CTNND2: variants seen among roughly 807,000 people sequenced by gnomAD.
CTNND2 encodes the protein catenin delta-2.
In CTNND2, 22 loss-of-function variants were observed where a neutral mutation model predicts 144.4. The ratio of observed to expected loss-of-function variants is 0.15; its 90% CI spans 0.11 to 0.22. The LOEUF is 0.22. Ranked by LOEUF, CTNND2 falls within the 10% of genes least tolerant of loss-of-function variation. The pLI is 1.00. For missense variants in CTNND2, 1,353 were observed against 1,618.8 expected (o/e 0.84, Z 2.82); for synonymous variants, 751 against 695.6 (o/e 1.08, Z -1.25).
At chr5:11,040,828 A>G (rs1744622252) in intron 16 of CTNND2, among the ~76,000 whole-genome samples, 1 of 152,236 alleles carries the variant, frequency 6.6e-6, no homozygotes, top group Non-Finnish European at 1.5e-5. Flanking sequence ...AATTATCTCA[A>G]TTCATTGACT....
At chr5:11,167,508 A>C (rs929091966) in intron 11 of CTNND2, among the ~76,000 whole-genome samples, 1 of 152,176 alleles carries the variant, frequency 6.6e-6, no homozygotes, top group African/African-American at 2.4e-5. Context: ...GCAATGTTTT[A>C]AATCTGCAGA....
At chr5:11,461,766 G>A (rs540645470) in intron 3 of CTNND2, among the ~76,000 whole-genome samples, 13 of 152,294 alleles carry the variant, frequency 8.5e-5, no homozygotes, top group Non-Finnish European at 1.6e-4. Flanking sequence ...TTGCACTCAC[G>A]TTCAGGGAAA....
chr5:11,838,016 A>G (rs1794270525), intron 1 of CTNND2, among the ~76,000 whole-genome samples: 1 of 152,216 alleles, frequency 6.6e-6, no homozygotes, highest in South Asian at 2.1e-4. Context: ...CCAGGCCCAT[A>G]GAATTGGATT....
Position 11,491,481 on chromosome 5 carries a change from A to C in CTNND2, c.287+73463T>G, listed in dbSNP as rs1232152101. Among the ~76,000 whole-genome samples, 3 of 152,192 alleles carry C rather than the reference A, an allele frequency of 2.0e-5. No individual in the cohort carries two copies. In the East Asian group the frequency reaches 5.8e-4, roughly 29 times the overall value. On this transcript the variant is annotated intron_variant, in intron 3 of 21. Coordinates refer to ENST00000304623, the MANE Select transcript of CTNND2 (RefSeq NM_001332.4). ...GAGTAACTCATGTGTCGAGAAGTTA[A>C]ATAATTTATTCCAGGTCCCAGCACT...
At chr5:11,171,569 T>C (rs1304979542) in intron 11 of CTNND2, among the ~76,000 whole-genome samples, 3 of 152,198 alleles carry the variant, frequency 2.0e-5, no homozygotes, top group Non-Finnish European at 2.9e-5. Flanking sequence ...TGAATGCCTG[T>C]TGAGACAAGA....
intron 3 of CTNND2, among the ~76,000 whole-genome samples, chr5:11,469,615 C>G (rs1433790656): frequency 6.6e-6 from 1 of 152,156 alleles, no homozygotes; most frequent in East Asian, 1.9e-4. Flanking sequence ...TGCTCAAGAC[C>G]AGAACACCCA....
chr5:11,814,678 C>T (rs1792529906), intron 1 of CTNND2, among the ~76,000 whole-genome samples: 1 of 152,206 alleles, frequency 6.6e-6, no homozygotes, highest in African/African-American at 2.4e-5. Context: ...GGACAAATAT[C>T]AAGGATCTTG....
chr5:11,690,238 C>T (rs1339767396), intron 2 of CTNND2, among the ~76,000 whole-genome samples: 1 of 152,146 alleles, frequency 6.6e-6, no homozygotes, highest in African/African-American at 2.4e-5. Flanking sequence ...AATTCAAAAT[C>T]ATGTAACTGT....
At chr5:11,167,353 A>T (rs1306075254) in intron 11 of CTNND2, among the ~76,000 whole-genome samples, 1 of 152,160 alleles carries the variant, frequency 6.6e-6, no homozygotes, top group East Asian at 1.9e-4. Context: ...ATTCTTGCTC[A>T]TTTTCAAAAT....
chr5:11,229,672 G>GTATA (rs56122850), intron 10 of CTNND2, among the ~76,000 whole-genome samples: 5 of 147,598 alleles, frequency 3.4e-5, no homozygotes, highest in African/African-American at 5.0e-5. Context: ...GTGTGTGTGT[G>GTATA]TATATATATA....
At chr5:11,565,151 AT>A (rs1258897888) in intron 2 of CTNND2, 95 bp from the exon 3 acceptor site, 3 of 798,138 alleles carry the variant, frequency 3.8e-6, no homozygotes, top group Non-Finnish European at 6.3e-6. Flanking sequence ...GAAAAATATG[AT>A]TTTCCAAGAT....
intron 2 of CTNND2, among the ~76,000 whole-genome samples, chr5:11,662,131 A>C (rs149346992): frequency 0.022 from 3,231 of 144,554 alleles, 40 homozygotes; most frequent in East Asian, 0.056. Flanking sequence ...ATATATATAC[A>C]TATATGTATA....
chr5:11,641,669 CGTGTGTATATACATATACGT>C (rs1268964593), intron 2 of CTNND2, among the ~76,000 whole-genome samples: 4,858 of 122,304 alleles, frequency 0.04, 232 homozygotes, highest in Middle Eastern at 0.11. Flanking sequence ...TATACATATA[CGTGTGTATATACATATACGT>C]GTGTGTATAT....
At chr5:11,239,198 G>A (rs575667740) in intron 9 of CTNND2, among the ~76,000 whole-genome samples, 9 of 152,378 alleles carry the variant, frequency 5.9e-5, no homozygotes, top group East Asian at 3.9e-4. Flanking sequence ...GGCTTACACG[G>A]CATATGCCAA....
intron 2 of CTNND2, among the ~76,000 whole-genome samples, chr5:11,597,899 A>T (rs1273043591): frequency 1.3e-5 from 2 of 152,196 alleles, no homozygotes; most frequent in African/African-American, 4.8e-5. Context: ...AACAATGAAG[A>T]TAAGTAGAGC....
At chr5:11,633,659 C>T (rs1189143543) in intron 2 of CTNND2, among the ~76,000 whole-genome samples, 1 of 151,766 alleles carries the variant, frequency 6.6e-6, no homozygotes, top group Non-Finnish European at 1.5e-5. Context: ...GCCTGTAATC[C>T]CAGCTTCTAT....
intron 3 of CTNND2, among the ~76,000 whole-genome samples, chr5:11,497,153 G>C (rs1770033547): frequency 6.6e-6 from 1 of 152,094 alleles, no homozygotes; most frequent in African/African-American, 2.4e-5. Flanking sequence ...TCTAAAGTGA[G>C]AAATTCATTC....
chr5:11,416,080 G>A (rs752416592), intron 3 of CTNND2, among the ~76,000 whole-genome samples: 2 of 152,150 alleles, frequency 1.3e-5, no homozygotes, highest in Non-Finnish European at 2.9e-5. Context: ...AATTCCTAAG[G>A]CATTTCTTGC....
intron 3 of CTNND2, among the ~76,000 whole-genome samples, chr5:11,422,892 C>T (rs969777829): frequency 2.6e-5 from 4 of 152,158 alleles, no homozygotes; most frequent in Non-Finnish European, 5.9e-5. Flanking sequence ...ACAAATGGTG[C>T]ATTATAAAGT....
Sources: allele counts gnomAD v4.1 joint callset (sites outside exome capture counted in the v4.1 genomes callset), GRCh38; gene constraint gnomAD v4.1.1; transcripts MANE v1.5; gene names NCBI Gene and HGNC (gene_info 2026-07-23, HGNC 2026-07-21).